Variants in SLC8A1 observed in about 807,000 individuals in gnomAD.
SLC8A1 encodes sodium/calcium exchanger 1.
In SLC8A1, 18 loss-of-function variants were observed where a neutral mutation model predicts 68.3. The observed-to-expected ratio is 0.26, with a 90% CI of 0.18 to 0.39. SLC8A1 has a LOEUF of 0.39. SLC8A1 is among the 10% of genes least tolerant of loss of function. The pLI is 1.00. For synonymous variants in SLC8A1, 475 were observed against 415.5 expected (o/e 1.14, Z -1.74); for missense variants, 985 against 1,156.7 (o/e 0.85, Z 2.15).
At chr2:40,507,958 T>G (rs1019642193) in intron 1 of SLC8A1, among the ~76,000 whole-genome samples, 1 of 152,132 alleles carries the variant, frequency 6.6e-6, no homozygotes, top group African/African-American at 2.4e-5. Flanking sequence ...TAGAATGTAT[T>G]TTATCTATAT....
intron 2 of SLC8A1, among the ~76,000 whole-genome samples, chr2:40,292,764 G>A (rs1050039641): frequency 1.3e-5 from 2 of 152,116 alleles, no homozygotes; most frequent in Non-Finnish European, 2.9e-5. Context: ...AAAGGCTGCT[G>A]GACTGGGAGA....
intron 1 of SLC8A1, among the ~76,000 whole-genome samples, chr2:40,448,055 G>T (rs970829735): frequency 6.6e-6 from 1 of 152,192 alleles, no homozygotes; most frequent in Non-Finnish European, 1.5e-5. Flanking sequence ...TCTCTGCAAA[G>T]AGAACTTACA....
At chr2:40,330,200 C>G (rs1055472251) in intron 2 of SLC8A1, among the ~76,000 whole-genome samples, 1 of 152,064 alleles carries the variant, frequency 6.6e-6, no homozygotes, top group Non-Finnish European at 1.5e-5. Flanking sequence ...TAGAAGGTAC[C>G]ATATTTTTCC....
chr2:40,349,454 C>T (rs1177708922), intron 2 of SLC8A1, among the ~76,000 whole-genome samples: 1 of 152,158 alleles, frequency 6.6e-6, no homozygotes, highest in Non-Finnish European at 1.5e-5. Context: ...TTTCTAGTTA[C>T]CAGTGAAGTC....
chr2:40,187,754 C>T (rs1420492200), intron 2 of SLC8A1, among the ~76,000 whole-genome samples: 1 of 152,126 alleles, frequency 6.6e-6, no homozygotes, highest in Admixed American at 6.5e-5. Context: ...TACAGGGATC[C>T]ATAGTTATTG....
At chr2:40,221,559 G>C (rs945810626) in intron 2 of SLC8A1, among the ~76,000 whole-genome samples, 2 of 152,120 alleles carry the variant, frequency 1.3e-5, no homozygotes, top group African/African-American at 4.8e-5. Flanking sequence ...AAGAAATAAA[G>C]GGTATTTGAA....
intron 2 of SLC8A1, among the ~76,000 whole-genome samples, chr2:40,243,200 T>G (rs2061427747): frequency 6.6e-6 from 1 of 152,152 alleles, no homozygotes. Flanking sequence ...CTATTTTCAA[T>G]TCATGAAAAT....
chr2:40,120,511 A>G (rs2036541674), intron 7 of SLC8A1, among the ~76,000 whole-genome samples: 1 of 152,190 alleles, frequency 6.6e-6, no homozygotes. Flanking sequence ...GAGTATCTCT[A>G]AGACTCTTTC....
chr2:40,253,710 C>A (rs2063373902), intron 2 of SLC8A1, among the ~76,000 whole-genome samples: 1 of 151,446 alleles, frequency 6.6e-6, no homozygotes, highest in Non-Finnish European at 1.5e-5. Flanking sequence ...ACTTGTAATC[C>A]CAGCTACTCG....
intron 1 of SLC8A1, among the ~76,000 whole-genome samples, chr2:40,506,943 C>A (rs1706407652): frequency 6.6e-6 from 1 of 151,726 alleles, no homozygotes; most frequent in Non-Finnish European, 1.5e-5. Context: ...TACAAAAGTA[C>A]AACTGAGCAA....
chr2:40,487,700 T>C (rs145098513), intron 1 of SLC8A1, among the ~76,000 whole-genome samples: 43 of 152,292 alleles, frequency 2.8e-4, no homozygotes, highest in African/African-American at 9.6e-4. Context: ...ACTACTTTAG[T>C]GTTCACTGTG....
chr2:40,296,036 T>C (rs115171745), intron 2 of SLC8A1, among the ~76,000 whole-genome samples: 3,070 of 152,252 alleles, frequency 0.02, 106 homozygotes, highest in African/African-American at 0.07. Flanking sequence ...TTATTGTCTA[T>C]AGAGCTTGTT....
At chr2:40,293,758 C>T (rs2069778888) in intron 2 of SLC8A1, among the ~76,000 whole-genome samples, 1 of 152,086 alleles carries the variant, frequency 6.6e-6, no homozygotes, top group South Asian at 2.1e-4. Context: ...TATTCTACTG[C>T]TATCAGTGCA....
intron 6 of SLC8A1, among the ~76,000 whole-genome samples, chr2:40,157,789 A>G (rs1009271259): frequency 6.6e-6 from 1 of 152,206 alleles, no homozygotes; most frequent in Non-Finnish European, 1.5e-5. Flanking sequence ...CCTAGTGTTC[A>G]ACCCAGGAAG....
chr2:40,270,360 T>C (rs959381969), intron 2 of SLC8A1, among the ~76,000 whole-genome samples: 3 of 152,224 alleles, frequency 2.0e-5, no homozygotes, highest in Non-Finnish European at 4.4e-5. Flanking sequence ...TTTATCATCT[T>C]CTAGTTTGTA....
intron 2 of SLC8A1, among the ~76,000 whole-genome samples, chr2:40,319,109 T>C (rs974407890): frequency 2.0e-5 from 3 of 152,088 alleles, no homozygotes; most frequent in African/African-American, 7.2e-5. Context: ...ATTCCTGGCA[T>C]ATTTCTGTTA....
intron 6 of SLC8A1, among the ~76,000 whole-genome samples, chr2:40,145,834 ACTT>A (rs1381079461): frequency 3.9e-5 from 6 of 152,040 alleles, no homozygotes; most frequent in African/African-American, 7.2e-5. Flanking sequence ...ATGATCTGAA[ACTT>A]CTTTTCTTTC....
At chr2:40,151,899 G>GGT (rs2043508645) in intron 6 of SLC8A1, among the ~76,000 whole-genome samples, 6 of 152,176 alleles carry the variant, frequency 3.9e-5, no homozygotes, top group African/African-American at 1.4e-4. Context: ...TAAAATTACA[G>GGT]ATAAGTTAAA....
intron 2 of SLC8A1, among the ~76,000 whole-genome samples, chr2:40,196,838 T>C (rs2053142996): frequency 6.6e-6 from 1 of 152,058 alleles, no homozygotes; most frequent in East Asian, 1.9e-4. Context: ...AAAAGGTAGT[T>C]CTTTGTGGCT....
Sources: gnomAD v4.1 joint callset for allele counts (sites outside exome capture counted in the v4.1 genomes callset) on GRCh38, gnomAD v4.1.1 for gene constraint, MANE v1.5 for transcripts, NCBI Gene and HGNC (gene_info 2026-07-23, HGNC 2026-07-21) for gene names.